INSR: variants seen among roughly 807,000 people sequenced by gnomAD.
The protein encoded by INSR is insulin receptor.
Under a neutral mutation model 142.6 loss-of-function variants are expected in INSR, and 67 were observed. That is an observed-to-expected ratio of 0.47 (90% confidence interval 0.39 to 0.58). The LOEUF (loss-of-function observed/expected upper bound fraction) is 0.58, where lower values mean the gene tolerates loss of function less well. Among genes scored for constraint, INSR ranks in the 20% least tolerant of loss-of-function variants. The pLI is 0.00. For missense variants in INSR, 1,248 were observed against 1,833.2 expected, an observed-to-expected ratio of 0.68 and a Z score of 5.83; for synonymous variants, 756 against 743.1, an observed-to-expected ratio of 1.02 and a Z score of -0.28.
Position 7,141,689 on chromosome 19 carries a change from T to A in INSR, c.2670A>T (p.Arg890=). Residue 890 remains arginine (R), a synonymous_variant, in exon 13 of 22, where the codon CGA becomes CGT. Coordinates refer to ENST00000302850, the MANE Select transcript of INSR (RefSeq NM_000208.4). ...LIVLYEVSYR[R]YGDEELHLCV... is the part of the protein sequence containing the mutation. ...TCAAGGGCCTTACCTCATCACCATA[T>A]CGCCGATAACTCACTTCATACAGCA... 1 of 1,614,140 alleles carries A rather than the reference T, an allele frequency of 6.2e-7. No individual in the cohort carries two copies.
At chr19:7,179,544 G>A (rs889377117) in intron 3 of INSR, among the ~76,000 whole-genome samples, 2 of 152,226 alleles carry the variant, frequency 1.3e-5, no homozygotes, top group East Asian at 3.8e-4. Flanking sequence ...AATGCTCTAA[G>A]CCTGGAGTTG....
Position 7,185,855 on chromosome 19 carries a change from AAAAAG to A in INSR, c.653-1223_653-1219del, listed in dbSNP as rs1354444992. Among the ~76,000 whole-genome samples, 330 of 144,382 alleles carry A rather than the reference AAAAAG, an allele frequency of 2.3e-3. 2 individuals are homozygous for A. The highest frequency in any genetic ancestry group is 3.9e-3 in the Non-Finnish European group (259 of 66,576). 94.7% of individuals were successfully genotyped at this position (144,382 alleles called of 152,430 possible). A position where few individuals can be genotyped will look rare whatever the true frequency, so the allele number is the denominator to read the frequency against. ...CAAAATTCTGTCAAAAAAAAAAAAA[AAAAAG>A]AGAGAGAGAGACAAAGAGAGAGAGA... On this transcript the variant is annotated intron_variant, in intron 2 of 21. Transcript: ENST00000302850.
chr19:7,170,644 G>T lies in INSR; in HGVS notation c.1376C>A (p.Pro459His). The change falls in exon 6 of 22, where the codon CCC becomes CAC. Residue 459 changes from proline (P) to histidine (H), a missense_variant. Transcript: ENST00000302850. Reference protein sequence around the residue: ...TQGKLFFHYNPKLCLSEIHKM... With the variant: ...TQGKLFFHYNHKLCLSEIHKM... ...GTGGATTTCTGACAAGCAGAGTTTG[G>T]GGTTATAGTGGAAGAAGAGTTTCCC... is the stretch of plus-strand genomic sequence containing the variant. 1 of 1,613,940 alleles carries T rather than the reference G, an allele frequency of 6.2e-7. No individual in the cohort carries two copies. Among genetic ancestry groups the T allele is most frequent in the Non-Finnish European group, 8.5e-7 (1 of 1,179,978 alleles).
chr19:7,179,530 A>T (rs1974222769), intron 3 of INSR, among the ~76,000 whole-genome samples: 1 of 152,260 alleles, frequency 6.6e-6, no homozygotes, highest in Non-Finnish European at 1.5e-5. Flanking sequence ...ATTATGTGGC[A>T]GGCAATGCTC....
rs369231534 is a variant in INSR at position 7,174,674 on chromosome 19, G to A, written c.1032C>T (p.Gly344=). The change falls in exon 4 of 22, where the codon GGC becomes GGT. Residue 344 remains glycine, a synonymous_variant. Transcript: ENST00000302850. ...ACGTCACCGAGTCGATGGTCTTCTCGCCTTCTAGGAGGTGGCACACCTTGG... is the reference window on the plus strand; with the variant it reads ...ACGTCACCGAGTCGATGGTCTTCTCACCTTCTAGGAGGTGGCACACCTTGG... ...PCPKVCHLLE[G]EKTIDSVTSA... The A allele has an allele frequency of 1.3e-5, 21 of 1,613,892 alleles. No individual in the cohort carries two copies. Among genetic ancestry groups the A allele is most frequent in the Non-Finnish European group, 1.4e-5 (17 of 1,179,942 alleles).
chr19:7,134,568 C>T (rs150392897), intron 13 of INSR, among the ~76,000 whole-genome samples: 9 of 151,916 alleles, frequency 5.9e-5, no homozygotes, highest in Non-Finnish European at 1.2e-4. Flanking sequence ...AGATTGAGAC[C>T]ATCCTTGCCA....
At position 7,197,748 on chromosome 19, in the gene INSR, C is replaced by T. The variant is rs182951470; in HGVS notation, c.653-13111G>A. ...TGTGTGTGTGTGTGATTGGCAGGTT[C>T]CAGAGTGGGAGTGTGTGTGTGTGTG... On this transcript the variant is annotated intron_variant, in intron 2 of 21. Transcript: ENST00000302850. 6.1e-4 allele frequency among the ~76,000 whole-genome samples: 58 copies of T among 95,630 alleles called. 2 individuals are homozygous for T. The highest frequency in any genetic ancestry group is 8.3e-4 in the Non-Finnish European group (39 of 47,040). The allele number at this position is 95,630 out of a possible 152,430, so 62.7% of individuals were successfully genotyped here. A position where few individuals can be genotyped will look rare whatever the true frequency, so the allele number is the denominator to read the frequency against.
chr19:7,126,793 TG>T (rs962507947), intron 15 of INSR, 142 bp from the exon 16 acceptor site: 23 of 775,854 alleles, frequency 3.0e-5, no homozygotes, highest in Non-Finnish European at 1.3e-5. Context: ...AGGGCAGGGA[TG>T]GGGGACCTTT....
At chr19:7,171,651 C>T (rs8110428) in intron 5 of INSR, among the ~76,000 whole-genome samples, 42,240 of 151,896 alleles carry the variant, frequency 0.28, 7,996 homozygotes, top group African/African-American at 0.54. Context: ...TTATGCATGC[C>T]AAACTCTACT....
rs774461579 is a variant in INSR at position 7,167,979 on chromosome 19, G to A, written c.1599C>T (p.Phe533=). Reference sequence around the variant, plus strand: ...ACTCTTCTACTTACGCCTCTTTGTAGAACAGCATGAACCCCAAGAGGTCTC... The same window carrying A: ...ACTCTTCTACTTACGCCTCTTTGTAAAACAGCATGAACCCCAAGAGGTCTC... ...DFRDLLGFML[F]YKEAPYQNVT... The change falls in exon 7 of 22, where the codon TTC becomes TTT. Residue 533 remains phenylalanine, a synonymous_variant. Transcript: ENST00000302850. The A allele has an allele frequency of 1.2e-6, 2 of 1,614,050 alleles. No individual in the cohort carries two copies. The highest frequency in any genetic ancestry group is 8.5e-7 in the Non-Finnish European group (1 of 1,180,000).
At chr19:7,197,664 T>G (rs1599992143) in intron 2 of INSR, among the ~76,000 whole-genome samples, 1 of 89,676 alleles carries the variant, frequency 1.1e-5, no homozygotes, top group Non-Finnish European at 2.2e-5. Context: ...GTGTGTGTGT[T>G]TGGCAGGTTC....
At chr19:7,205,167 A>G (rs539631023) in intron 2 of INSR, among the ~76,000 whole-genome samples, 5 of 152,324 alleles carry the variant, frequency 3.3e-5, no homozygotes, top group Admixed American at 3.3e-4. Flanking sequence ...CTGAGCTCCT[A>G]CGGAGTGTCC....
chr19:7,225,183 A>G lies in INSR; in HGVS notation c.653-40546T>C, dbSNP rs918453361. Among the ~76,000 whole-genome samples, 14 of 152,166 alleles carry G rather than the reference A, an allele frequency of 9.2e-5. No individual in the cohort carries two copies. Among genetic ancestry groups the G allele is most frequent in the Non-Finnish European group, 2.1e-4 (14 of 68,036 alleles). ...TCCCATTTTACAGAGGAGAAGACTGAGGCACAGAGAGGTTCAGTAACCTGC... is the reference window on the plus strand; with the variant it reads ...TCCCATTTTACAGAGGAGAAGACTGGGGCACAGAGAGGTTCAGTAACCTGC... On this transcript the variant is annotated intron_variant, in intron 2 of 21. Transcript: ENST00000302850. This position sits in a 1 kb window ranked among gnomAD's most constrained non-coding sequence, Gnocchi z 4.7.
At chr19:7,229,304 GGATGGATGGATGGATGGATGGATGGATA>G (rs200537110) in intron 2 of INSR, among the ~76,000 whole-genome samples, 10,307 of 66,216 alleles carry the variant, frequency 0.16, 909 homozygotes, top group African/African-American at 0.26. Context: ...GAGGGATGAT[GGATGGATGGATGGATGGATGGATGGATA>G]GATGGATGGA....
chr19:7,229,315 TGG>T (rs1270578602), intron 2 of INSR, among the ~76,000 whole-genome samples: 72 of 65,262 alleles, frequency 1.1e-3, no homozygotes, highest in African/African-American at 3.9e-3. Context: ...GATGGATGGA[TGG>T]ATGGATGGAT....
At chr19:7,173,806 G>C (rs1356556653) in intron 4 of INSR, among the ~76,000 whole-genome samples, 5 of 151,480 alleles carry the variant, frequency 3.3e-5, no homozygotes, top group African/African-American at 1.2e-4. Flanking sequence ...ATTTTTAGTA[G>C]AGACAGGGTT....
rs766676272 is a variant in INSR at position 7,125,568 on chromosome 19, T to C, written c.3014-41A>G. On this transcript the variant is annotated intron_variant, in intron 16 of 21. Coordinates refer to ENST00000302850, the MANE Select transcript of INSR (RefSeq NM_000208.4). This position sits in a 1 kb window ranked among gnomAD's most constrained non-coding sequence, Gnocchi z 4.9. ...CTACACAGCATCCTTGGAGGATCCC[T>C]TGGGGGTCTGCAGCCACCTTCCACC... 7.5e-6 allele frequency: 12 copies of C among 1,608,052 alleles called. No individual in the cohort carries two copies. The South Asian group carries it at 8.8e-5, about 12-fold the overall frequency.
At chr19:7,193,650 C>A (rs1974660407) in intron 2 of INSR, among the ~76,000 whole-genome samples, 1 of 151,974 alleles carries the variant, frequency 6.6e-6, no homozygotes, top group African/African-American at 2.4e-5. Context: ...TCAAAACTGA[C>A]ATATATTTGG....
chr19:7,142,010 CTT>C (rs796795268), intron 12 of INSR, among the ~76,000 whole-genome samples, 194 bp from the exon 13 acceptor site: 4 of 145,898 alleles, frequency 2.7e-5, no homozygotes, highest in African/African-American at 2.5e-5. Context: ...CTGCGTATAA[CTT>C]TTTTTTTTTT....
Sources: gnomAD v4.1 joint callset for allele counts (sites outside exome capture counted in the v4.1 genomes callset) on GRCh38, gnomAD v4.1.1 for gene constraint, Gnocchi (gnomAD v3.1) non-coding constraint, MANE v1.5 for transcripts, NCBI Gene and HGNC (gene_info 2026-07-23, HGNC 2026-07-21) for gene names.